Variants in QRFPR observed in about 807,000 individuals in gnomAD.
QRFPR encodes pyroglutamylated RF-amide peptide receptor.
QRFPR carries 37 observed loss-of-function variants against 31.3 expected under a neutral mutation model. The ratio of observed to expected loss-of-function variants is 1.18; its 90% CI spans 0.91 to 1.56. QRFPR has a LOEUF of 1.56. QRFPR is among the 40% of genes most tolerant of loss of function. The pLI, the probability that QRFPR is intolerant of heterozygous loss-of-function variation, is 0.00. For missense variants in QRFPR, 542 were observed against 532.5 expected, an observed-to-expected ratio of 1.02 and a Z score of -0.18; for synonymous variants, 197 against 192.0, an observed-to-expected ratio of 1.03 and a Z score of -0.22.
rs1388349803 is a variant in QRFPR at position 121,367,645 on chromosome 4, C to A, written c.340+12663G>T. ...ATTGTCTCTAAAATTATTCTACACACAAATGTAGCTAACACTTTAAGTAGC... is the reference window on the plus strand; with the variant it reads ...ATTGTCTCTAAAATTATTCTACACAAAAATGTAGCTAACACTTTAAGTAGC... On this transcript the variant is annotated intron_variant, in intron 1 of 5. Coordinates refer to ENST00000394427, the MANE Select transcript of QRFPR (RefSeq NM_198179.3). 2.0e-5 allele frequency among the ~76,000 whole-genome samples: 3 copies of A among 150,214 alleles called. 1 individual carries two copies. Among genetic ancestry groups the A allele is most frequent in the African/African-American group, 4.9e-5 (2 of 40,638 alleles).
chr4:121,331,208 A>C (rs1307498825), intron 4 of QRFPR, among the ~76,000 whole-genome samples: 4 of 125,278 alleles, frequency 3.2e-5, no homozygotes, highest in Non-Finnish European at 6.4e-5. Flanking sequence ...TTTTTGAGAC[A>C]AGGTCTTACT....
At chr4:121,373,958 T>C (rs1726301348) in intron 1 of QRFPR, among the ~76,000 whole-genome samples, 1 of 152,228 alleles carries the variant, frequency 6.6e-6, no homozygotes, top group Admixed American at 6.5e-5. Context: ...GGAGCTGTTA[T>C]AATGAAGCTT....
At chr4:121,356,466 G>A (rs1342911504) in intron 1 of QRFPR, among the ~76,000 whole-genome samples, 1 of 152,116 alleles carries the variant, frequency 6.6e-6, no homozygotes, top group Non-Finnish European at 1.5e-5. Context: ...TGATGTTTGT[G>A]AACATTTGTC....
chr4:121,365,590 TTATATA>T (rs371653214), intron 1 of QRFPR, among the ~76,000 whole-genome samples: 6 of 5,632 alleles, frequency 1.1e-3, no homozygotes, highest in Admixed American at 3.5e-3. Flanking sequence ...ATTATATATA[TTATATA>T]TATATAATAT....
chr4:121,350,880 A>G (rs1442226149), intron 1 of QRFPR, among the ~76,000 whole-genome samples: 2 of 152,194 alleles, frequency 1.3e-5, no homozygotes, highest in Non-Finnish European at 2.9e-5. Context: ...TCTTATGGAT[A>G]TGTTTTTATG....
chr4:121,339,958 A>C (rs60657864), intron 2 of QRFPR, among the ~76,000 whole-genome samples: 50,137 of 151,334 alleles, frequency 0.33, 8,755 homozygotes, highest in Middle Eastern at 0.48. Flanking sequence ...CTATCTAAAA[A>C]AGAAAAAAAA....
rs887842094 is a variant in QRFPR, at chr4:121,361,630, G to A, written c.340+18678C>T. 6.0e-5 allele frequency among the ~76,000 whole-genome samples: 9 copies of A among 150,256 alleles called. 1 individual carries two copies. The highest frequency in any genetic ancestry group is 2.2e-4 in the African/African-American group (9 of 40,722). ...TTTGATTCAGTAGGTATGTGATGAG[G>A]CCTGAGACGATTCTGAAAAAGTTCC... On this transcript the variant is annotated intron_variant, in intron 1 of 5. Transcript: ENST00000394427.
intron 1 of QRFPR, among the ~76,000 whole-genome samples, chr4:121,373,068 T>A (rs1726282789): frequency 6.6e-6 from 1 of 152,170 alleles, no homozygotes; most frequent in Non-Finnish European, 1.5e-5. Flanking sequence ...CCCTTTTTTT[T>A]CTTAAGGTAA....
chr4:121,357,191 G>A (rs1029280681), intron 1 of QRFPR, among the ~76,000 whole-genome samples: 1 of 152,050 alleles, frequency 6.6e-6, no homozygotes, highest in Non-Finnish European at 1.5e-5. Flanking sequence ...GGCTCTAGGG[G>A]AGAATTCATT....
rs73845733 is a variant in QRFPR at position 121,329,662 on chromosome 4, G to C, written c.948C>G (p.Ile316Met). ...DDVTIKMIFA[I>M]VQIIGFSNSI... is the part of the protein sequence containing the mutation. ...AGTTGGAAAATCCAATAATTTGCAC[G>C]ATAGCAAAAATCATCTTGATTGTGA... The change falls in exon 6 of 6, where the codon ATC becomes ATG. Residue 316 changes from isoleucine (I) to methionine (M), a missense_variant. Physicochemically the swap from Ile to Met is conservative, Grantham distance 10. Transcript: ENST00000394427. 3 of 1,576,732 alleles carry C rather than the reference G, an allele frequency of 1.9e-6. No individual in the cohort carries two copies. The highest frequency in any genetic ancestry group is 1.2e-5 in the South Asian group (1 of 84,674).
rs567629210 is a variant in QRFPR, at chr4:121,369,189, C to T, written c.340+11119G>A. 3.9e-5 allele frequency among the ~76,000 whole-genome samples: 6 copies of T among 152,186 alleles called. No individual in the cohort carries two copies. The South Asian group carries it at 1.0e-3, about 26-fold the overall frequency. On this transcript the variant is annotated intron_variant, in intron 1 of 5. Transcript: ENST00000394427. ...GACTATAGGCACCCACCACCATGCC[C>T]GGCTAATTTTTGTATTTTTAGTAGA...
intron 1 of QRFPR, among the ~76,000 whole-genome samples, chr4:121,373,871 C>T (rs141324862): frequency 6.6e-6 from 1 of 152,266 alleles, no homozygotes; most frequent in East Asian, 1.9e-4. Context: ...TCTTTCTCTC[C>T]CTCCTTTCCT....
chr4:121,330,839 G>A (rs866903555), intron 4 of QRFPR, among the ~76,000 whole-genome samples: 2 of 152,270 alleles, frequency 1.3e-5, no homozygotes, highest in African/African-American at 2.4e-5. Flanking sequence ...ATTAATTTGC[G>A]AAGTTAGATG....
intron 3 of QRFPR, 34 bp downstream of exon 3, chr4:121,336,773 A>C (rs1368366154): frequency 6.6e-7 from 1 of 1,519,216 alleles, no homozygotes. Flanking sequence ...AAAATAGTTC[A>C]ACAATATGAT....
chr4:121,360,859 T>C (rs1465171758), intron 1 of QRFPR, among the ~76,000 whole-genome samples: 1 of 152,156 alleles, frequency 6.6e-6, no homozygotes, highest in Non-Finnish European at 1.5e-5. Context: ...ACTCCAGGCA[T>C]ACAGAACTAT....
At chr4:121,336,672 T>C in intron 3 of QRFPR, 135 bp downstream of exon 3, 5 of 751,856 alleles carry the variant, frequency 6.7e-6, no homozygotes, top group Non-Finnish European at 9.8e-6. Flanking sequence ...TTTATTCCAC[T>C]TAAAAGACCT....
At position 121,329,613 on chromosome 4, in the gene QRFPR, CAT is replaced by C. The variant is rs746384955; in HGVS notation, c.995_996del (p.Tyr332CysfsTer5). The C allele has an allele frequency of 5.4e-5, 87 of 1,612,684 alleles. 2 individuals carry two copies. The South Asian group carries it at 9.3e-4, about 17-fold the overall frequency. On this transcript the variant is annotated frameshift_variant, in exon 6 of 6. Transcript: ENST00000394427. LOFTEE classifies it low-confidence loss of function (END_TRUNC). The part of the protein sequence containing the change: ...FSNSICNPIV[Y>X]AFMNENFKKN... Reference sequence around the variant, plus strand: ...TTTTTGAAGTTTTCATTCATAAATGCATAGACAATGGGATTACAGATGGAGTT... The same window carrying C: ...TTTTTGAAGTTTTCATTCATAAATGCAGACAATGGGATTACAGATGGAGTT...
intron 1 of QRFPR, among the ~76,000 whole-genome samples, chr4:121,350,994 C>G (rs1725751384): frequency 6.6e-6 from 1 of 152,088 alleles, no homozygotes; most frequent in Non-Finnish European, 1.5e-5. Context: ...TATTCTTGGG[C>G]TTAATACCTA....
rs1726468372 is a variant in QRFPR, at chr4:121,380,465, A to T, written c.183T>A (p.Phe61Leu). Residue 61 changes from phenylalanine (F) to leucine (L), a missense_variant, in exon 1 of 6, where the codon TTT becomes TTA. Coordinates refer to ENST00000394427, the MANE Select transcript of QRFPR (RefSeq NM_198179.3). ...TGVLIFALAL[F>L]GNALVFYVVT... is the part of the protein sequence containing the mutation. ...CCACGTAGAACACCAGAGCATTGCCAAAGAGCGCCAGGGCGAAGATGAGCA... is the reference window on the plus strand; with the variant it reads ...CCACGTAGAACACCAGAGCATTGCCTAAGAGCGCCAGGGCGAAGATGAGCA... The T allele has an allele frequency of 6.2e-7, 1 of 1,614,126 alleles. No homozygotes were observed. The highest frequency in any genetic ancestry group is 1.3e-5 in the African/African-American group (1 of 74,956).
Sources: allele counts gnomAD v4.1 joint callset (sites outside exome capture counted in the v4.1 genomes callset), GRCh38; gene constraint gnomAD v4.1.1; transcripts MANE v1.5; gene names NCBI Gene and HGNC (gene_info 2026-07-23, HGNC 2026-07-21).